Variants in ARHGAP39 observed in about 807,000 individuals in gnomAD.
The protein encoded by ARHGAP39 is Rho GTPase activating protein 39.
A neutral mutation model predicts 106.9 loss-of-function variants in ARHGAP39; 44 were observed. The observed-to-expected ratio is 0.41, with a 90% CI of 0.32 to 0.53. The LOEUF is 0.53. Among genes scored for constraint, ARHGAP39 ranks in the 20% least tolerant of loss-of-function variants. The pLI is 0.21. For missense variants in ARHGAP39, 1,496 were observed against 1,577.3 expected (o/e 0.95, Z 0.87); for synonymous variants, 768 against 693.2 (o/e 1.11, Z -1.69).
rs1284124625 is a variant in ARHGAP39 at position 144,670,133 on chromosome 8, T to G, written c.-82+15553A>C. ...GCAATAAAAAGCAACAGAGCTCGGA[T>G]GCATGCTAGAGCGTACCGGGAAGCA... On this transcript the variant is annotated intron_variant, in intron 1 of 11. Transcript: ENST00000377307. This position sits in a 1 kb window ranked among gnomAD's most constrained non-coding sequence, Gnocchi z 4.4. 6.6e-6 allele frequency among the ~76,000 whole-genome samples: 1 copy of G among 151,820 alleles called. No homozygotes were observed. Among genetic ancestry groups the G allele is most frequent in the East Asian group, 1.9e-4 (1 of 5,176 alleles).
upstream of ARHGAP39, among the ~76,000 whole-genome samples, chr8:144,690,638 T>G (rs1389390179): frequency 6.6e-6 from 1 of 151,924 alleles, no homozygotes; most frequent in African/African-American, 2.4e-5. Context: ...TCACATCTTT[T>G]GCCTGCCTTT....
chr8:144,639,545 A>G (rs1821258665), intron 1 of ARHGAP39, among the ~76,000 whole-genome samples: 1 of 152,142 alleles, frequency 6.6e-6, no homozygotes, highest in Non-Finnish European at 1.5e-5. Flanking sequence ...ACAGTTTATA[A>G]GTTCACAAAC....
rs368826212 is a variant in ARHGAP39, at chr8:144,603,201, G to A, written c.80+2334C>T. ...TGTACCTGTGTGTGTGCGTGGAGGC[G>A]TGTGTGTGCTCATGTACCTGTGTGT... On this transcript the variant is annotated intron_variant, in intron 2 of 11. Transcript: ENST00000377307. Among the ~76,000 whole-genome samples the A allele has an allele frequency of 2.1e-3, 310 of 147,830 alleles. 1 individual carries two copies. Among genetic ancestry groups the A allele is most frequent in the African/African-American group, 7.0e-3 (279 of 39,666 alleles).
intron 3 of ARHGAP39, among the ~76,000 whole-genome samples, chr8:144,576,202 G>A (rs543986583): frequency 5.0e-4 from 76 of 151,878 alleles, no homozygotes; most frequent in African/African-American, 1.6e-3. Context: ...GTGTGGTGGT[G>A]GGCGCCTGAA....
At chr8:144,698,396 T>C in the ARHGAP39 span, among the ~76,000 whole-genome samples, 1 of 152,224 alleles carries the variant, frequency 6.6e-6, no homozygotes, top group Admixed American at 6.5e-5. Context: ...CAGTCTCAGG[T>C]ATTCCCTTTA....
chr8:144,692,486 T>C, the ARHGAP39 span, among the ~76,000 whole-genome samples: 5 of 152,186 alleles, frequency 3.3e-5, no homozygotes, highest in African/African-American at 1.2e-4. Flanking sequence ...AGTGAAGCGA[T>C]TACTTGCTTA....
At chr8:144,563,095 T>C (rs745562941) in intron 3 of ARHGAP39, among the ~76,000 whole-genome samples, 8 of 152,260 alleles carry the variant, frequency 5.3e-5, no homozygotes, top group Non-Finnish European at 8.8e-5. Context: ...TCTACTAAGA[T>C]GAACTACAAC....
At chr8:144,552,757 T>C (rs905197590) in intron 4 of ARHGAP39, among the ~76,000 whole-genome samples, 2 of 152,186 alleles carry the variant, frequency 1.3e-5, no homozygotes, top group Non-Finnish European at 1.5e-5. Context: ...GCCTTCACTG[T>C]ACTCAGGGCT....
intron 7 of ARHGAP39, among the ~76,000 whole-genome samples, chr8:144,534,980 C>T (rs189493139): frequency 3.3e-5 from 5 of 152,192 alleles, no homozygotes; most frequent in East Asian, 1.9e-4. Flanking sequence ...TGCTCCAGGT[C>T]GGGAAGCAGC....
chr8:144,620,754 T>C (rs577861061), intron 1 of ARHGAP39, among the ~76,000 whole-genome samples: 1 of 152,358 alleles, frequency 6.6e-6, no homozygotes, highest in East Asian at 1.9e-4. Flanking sequence ...GCACCGCCTG[T>C]GCCCATCCAC....
intron 10 of ARHGAP39, 149 bp downstream of exon 10, chr8:144,532,156 G>A: frequency 1.4e-6 from 1 of 710,084 alleles, no homozygotes; most frequent in Non-Finnish European, 2.4e-6. Context: ...ACTGTCCAAT[G>A]GGCAGAAGGG....
chr8:144,534,331 C>T (rs1005759676), intron 7 of ARHGAP39, 129 bp from the exon 8 acceptor site: 8 of 940,098 alleles, frequency 8.5e-6, no homozygotes, highest in Non-Finnish European at 1.3e-5. Context: ...TCACCCCCTG[C>T]CCAGCACAGC....
intron 3 of ARHGAP39, among the ~76,000 whole-genome samples, chr8:144,580,243 C>T (rs1261068077): frequency 4.2e-5 from 6 of 141,630 alleles, no homozygotes; most frequent in African/African-American, 1.6e-4. Context: ...TCAGACCCCT[C>T]AGCTGTGTCC....
chr8:144,538,997 A>AC (rs1817079199), intron 6 of ARHGAP39, among the ~76,000 whole-genome samples: 1 of 144,898 alleles, frequency 6.9e-6, no homozygotes, highest in Non-Finnish European at 1.5e-5. Context: ...GACAGGCGTC[A>AC]CCCCCACCTC....
At chr8:144,543,921 G>A (rs1817297806) in intron 6 of ARHGAP39, 1 of 152,232 alleles carries the variant, frequency 6.6e-6, no homozygotes, top group Non-Finnish European at 1.5e-5. Flanking sequence ...CTGAGCAGTG[G>A]GGGCTCAGCT....
intron 4 of ARHGAP39, among the ~76,000 whole-genome samples, chr8:144,554,076 A>G (rs1817824626): frequency 6.6e-6 from 1 of 152,252 alleles, no homozygotes; most frequent in African/African-American, 2.4e-5. Context: ...GAAAGGTGCC[A>G]GCCTCTGAGA....
intron 3 of ARHGAP39, among the ~76,000 whole-genome samples, chr8:144,578,064 G>A (rs1818839507): frequency 6.6e-6 from 1 of 151,998 alleles, no homozygotes; most frequent in South Asian, 2.1e-4. Flanking sequence ...GCTCCAAATA[G>A]CCAAAACAAC....
At position 144,629,255 on chromosome 8, in the gene ARHGAP39, C is replaced by G. The variant is rs143945172; in HGVS notation, c.-81-23560G>C. Among the ~76,000 whole-genome samples the G allele has an allele frequency of 3.0e-3, 452 of 152,360 alleles. 5 individuals are homozygous for G. The highest frequency in any genetic ancestry group is 1.0e-2 in the African/African-American group (414 of 41,576). On this transcript the variant is annotated intron_variant, in intron 1 of 11. Transcript: ENST00000377307. ...ACTCACCCTGCTGCCTGATTAGGGGCAGCCTCAGCCTAAGGCGGAGCTGCA... is the reference window on the plus strand; with the variant it reads ...ACTCACCCTGCTGCCTGATTAGGGGGAGCCTCAGCCTAAGGCGGAGCTGCA...
intron 1 of ARHGAP39, among the ~76,000 whole-genome samples, chr8:144,667,612 A>AAG (rs1821996361): frequency 6.6e-6 from 1 of 152,206 alleles, no homozygotes. Context: ...TTACACCCTA[A>AAG]GGTCACGGAG....
Sources: gnomAD v4.1 joint callset for allele counts (sites outside exome capture counted in the v4.1 genomes callset) on GRCh38, gnomAD v4.1.1 for gene constraint, Gnocchi (gnomAD v3.1) non-coding constraint, MANE v1.5 for transcripts, NCBI Gene and HGNC (gene_info 2026-07-23, HGNC 2026-07-21) for gene names.